The following SPIRE1 variants were observed in gnomAD, a reference collection of about 807,000 sequenced individuals.
SPIRE1 encodes protein spire homolog 1.
SPIRE1 carries 40 observed loss-of-function variants against 94.1 expected under a neutral mutation model. That is an observed-to-expected ratio of 0.43 (90% CI 0.33 to 0.55). The LOEUF is 0.55. Among genes scored for constraint, SPIRE1 ranks in the 20% least tolerant of loss-of-function variants. The pLI is 0.06. For missense variants in SPIRE1, 838 were observed against 975.2 expected, an observed-to-expected ratio of 0.86 and a Z score of 1.87; for synonymous variants, 376 against 371.7, an observed-to-expected ratio of 1.01 and a Z score of -0.13.
At chr18:12,641,224 C>T in intron 1 of SPIRE1, among the ~76,000 whole-genome samples, 1 of 152,082 alleles carries the variant, frequency 6.6e-6, no homozygotes, top group Admixed American at 6.5e-5. Context: ...AACTATAATA[C>T]TTTTATAAGA....
At chr18:12,508,319 TAAG>T (rs2033908168) in intron 5 of SPIRE1, among the ~76,000 whole-genome samples, 3 of 152,214 alleles carry the variant, frequency 2.0e-5, no homozygotes, top group South Asian at 4.1e-4. Context: ...GTTTGGACAA[TAAG>T]AAGCTACCAA....
intron 10 of SPIRE1, among the ~76,000 whole-genome samples, chr18:12,469,204 TTTA>T (rs567065176): frequency 2.0e-5 from 3 of 152,092 alleles, no homozygotes; most frequent in South Asian, 2.1e-4. Flanking sequence ...AATCTTTTTA[TTTA>T]TTATTATTAT....
At chr18:12,616,099 C>G (rs1402936247) in intron 2 of SPIRE1, among the ~76,000 whole-genome samples, 1 of 152,176 alleles carries the variant, frequency 6.6e-6, no homozygotes, top group Admixed American at 6.6e-5. Flanking sequence ...AAGGCAGTCT[C>G]ACAGTCTCCT....
At chr18:12,619,785 G>A (rs2037413792) in intron 2 of SPIRE1, among the ~76,000 whole-genome samples, 1 of 150,290 alleles carries the variant, frequency 6.7e-6, no homozygotes, top group East Asian at 2.0e-4. Flanking sequence ...GGTGGAGATT[G>A]TGGTGAGCCA....
intron 6 of SPIRE1, among the ~76,000 whole-genome samples, chr18:12,502,412 G>A (rs1331762259): frequency 6.6e-6 from 1 of 152,100 alleles, no homozygotes. Context: ...GGATAAGGAG[G>A]AAAATCACCT....
chr18:12,650,339 A>G (rs1247167024), intron 1 of SPIRE1, among the ~76,000 whole-genome samples: 1 of 152,154 alleles, frequency 6.6e-6, no homozygotes, highest in Non-Finnish European at 1.5e-5. Flanking sequence ...TGGGCAAATC[A>G]CTTGAGCCCA....
Position 12,452,388 on chromosome 18 carries a change from G to A in SPIRE1, c.1879C>T (p.Arg627Trp), listed in dbSNP as rs568852514. 81 of 1,614,064 alleles carry A rather than the reference G, an allele frequency of 5.0e-5. 2 individuals carry two copies. The East Asian group carries it at 8.2e-4, about 16-fold the overall frequency. ...PVCSQCCKKM[R>W]LPSKPYSTLP... ...GTGGAGTATGGTTTGGAGGGCAGCC[G>A]CATCTATTATCCCAAATAAAACTGG... Residue 627 changes from arginine (R) to tryptophan (W), a missense_variant, in exon 16 of 17, where the codon CGG becomes TGG. Coordinates refer to ENST00000409402, the MANE Select transcript of SPIRE1 (RefSeq NM_001128626.2).
rs769900674 is a variant in SPIRE1, at chr18:12,496,012, A to C, written c.1059+4T>G. On this transcript the variant is annotated splice_donor_region_variant and intron_variant, in intron 7 of 16. Coordinates refer to ENST00000409402, the MANE Select transcript of SPIRE1 (RefSeq NM_001128626.2). The stretch of plus-strand genomic sequence containing the variant: ...AATCTAGAGAACTATGTCGAATTAC[A>C]TACTGGATTTAAAGGAGGTCTGGAT... The C allele has an allele frequency of 1.9e-6, 3 of 1,596,850 alleles. No homozygotes were observed. The highest frequency in any genetic ancestry group is 2.6e-6 in the Non-Finnish European group (3 of 1,164,404).
chr18:12,497,151 C>A (rs1453632535), intron 6 of SPIRE1, among the ~76,000 whole-genome samples: 2 of 152,142 alleles, frequency 1.3e-5, no homozygotes, highest in African/African-American at 4.8e-5. Flanking sequence ...GGATAAGATT[C>A]ACATTTTGTA....
rs1397327167 is a variant in SPIRE1 at position 12,487,407 on chromosome 18, T to C, written c.1190-1407A>G. Among the ~76,000 whole-genome samples the C allele has an allele frequency of 3.4e-4, 51 of 149,934 alleles. 1 individual carries two copies. The East Asian group carries it at 8.0e-3, about 24-fold the overall frequency. On this transcript the variant is annotated intron_variant, in intron 8 of 16. Coordinates refer to ENST00000409402, the MANE Select transcript of SPIRE1 (RefSeq NM_001128626.2). ...AATTATCATTTATTTTCTTTCTTTT[T>C]TTTTTTTTTTTGAGATGGAGTCTCA... is the stretch of plus-strand genomic sequence containing the variant.
rs148077048 is a variant in SPIRE1 at position 12,518,198 on chromosome 18, A to G, written c.730-5667T>C. Among the ~76,000 whole-genome samples the G allele has an allele frequency of 8.9e-3, 1,347 of 152,186 alleles. 9 individuals carry two copies. Among genetic ancestry groups the G allele is most frequent in the Admixed American group, 0.015 (226 of 15,270 alleles). On this transcript the variant is annotated intron_variant, in intron 4 of 16. Transcript: ENST00000409402. ...GCTAATTTTTGTACTTTTAGTAGAG[A>G]CAGGGTTTTGCCATGTTGGCCGGGC...
chr18:12,589,830 T>C (rs1454273449), intron 2 of SPIRE1, among the ~76,000 whole-genome samples: 1 of 152,214 alleles, frequency 6.6e-6, no homozygotes, highest in African/African-American at 2.4e-5. Flanking sequence ...AGGGACCAAA[T>C]GTTTTTAAGA....
chr18:12,451,959 T>G (rs1002942657), intron 16 of SPIRE1, among the ~76,000 whole-genome samples: 1 of 152,140 alleles, frequency 6.6e-6, no homozygotes, highest in African/African-American at 2.4e-5. Context: ...TTCAACTCCA[T>G]TGAAAACAAG....
chr18:12,658,168 T>G (rs1193228727), upstream of SPIRE1: 36 of 875,626 alleles, frequency 4.1e-5, no homozygotes, highest in East Asian at 1.1e-4. Flanking sequence ...GCCCGCCCCT[T>G]AGGGGGCCGC....
chr18:12,479,156 T>C (rs2032743093), intron 10 of SPIRE1, among the ~76,000 whole-genome samples: 1 of 124,368 alleles, frequency 8.0e-6, no homozygotes, highest in African/African-American at 4.3e-5. Context: ...TATACATATA[T>C]GTATTTTTTT....
intron 2 of SPIRE1, among the ~76,000 whole-genome samples, chr18:12,611,075 T>G (rs2037127591): frequency 6.6e-6 from 1 of 152,200 alleles, no homozygotes; most frequent in Non-Finnish European, 1.5e-5. Context: ...TAATTTTCCC[T>G]TCTATACTGG....
chr18:12,565,043 A>G (rs1360182802), intron 2 of SPIRE1, among the ~76,000 whole-genome samples: 1 of 152,238 alleles, frequency 6.6e-6, no homozygotes, highest in African/African-American at 2.4e-5. Context: ...ATTTCCTTCA[A>G]TTATTGTCAG....
intron 2 of SPIRE1, among the ~76,000 whole-genome samples, chr18:12,602,265 A>G (rs959593260): frequency 2.0e-5 from 3 of 152,156 alleles, no homozygotes; most frequent in Admixed American, 6.5e-5. Flanking sequence ...AGTAAAAAAC[A>G]GATCAGTTGT....
chr18:12,633,581 A>AG (rs1422914668), intron 2 of SPIRE1, among the ~76,000 whole-genome samples: 1 of 30,794 alleles, frequency 3.2e-5, no homozygotes, highest in South Asian at 1.7e-3. Flanking sequence ...GTCTCAAAAG[A>AG]AAAAAAAAAA....
Sources: gnomAD v4.1 joint callset for allele counts (sites outside exome capture counted in the v4.1 genomes callset) on GRCh38, gnomAD v4.1.1 for gene constraint, MANE v1.5 for transcripts, NCBI Gene and HGNC (gene_info 2026-07-23, HGNC 2026-07-21) for gene names.